LDB3: variants seen among roughly 807,000 people sequenced by gnomAD.
The protein encoded by LDB3 is LIM domain-binding protein 3.
A neutral mutation model predicts 69.0 loss-of-function variants in LDB3; 49 were observed. That is an observed-to-expected ratio of 0.71 (90% CI 0.56 to 0.90). The LOEUF is 0.90. Ranked by LOEUF, LDB3 falls within the 40% of genes least tolerant of loss-of-function variation. The probability of loss-of-function intolerance (pLI) is 0.00; values close to 1 mark genes in which losing one functional copy is unlikely to be tolerated. For synonymous variants in LDB3, 387 were observed against 396.2 expected (o/e 0.98, Z 0.28); for missense variants, 928 against 974.1 (o/e 0.95, Z 0.63).
intron 2 of LDB3, among the ~76,000 whole-genome samples, chr10:86,674,373 C>T (rs1406409922): frequency 2.0e-5 from 3 of 152,194 alleles, no homozygotes; most frequent in African/African-American, 4.8e-5. Context: ...GCTGCCTCCC[C>T]GCCCCCAGCC....
rs1437055393 is a variant in LDB3 at position 86,699,139 on chromosome 10, C to T, written c.896+6568C>T. The T allele has an allele frequency of 9.7e-7, 1 of 1,036,226 alleles. No homozygotes were observed. The highest frequency in any genetic ancestry group is 1.5e-6 in the Non-Finnish European group (1 of 672,852). The allele number at this position is 1,036,226 out of a possible 1,614,324, so 64.2% of individuals were successfully genotyped here. On this transcript the variant is annotated intron_variant, in intron 7 of 13. Coordinates refer to ENST00000361373, the MANE Select transcript of LDB3 (RefSeq NM_007078.3). The surrounding 1 kb of genome is among the most constrained non-coding windows in gnomAD (Gnocchi z 4.9). The stretch of plus-strand genomic sequence containing the variant: ...TTCTCCAAGCCCGTTCCCTCCCTCC[C>T]ATGCCCTCTGCCCCACCTGTTAGAC...
rs889516920 is a variant in LDB3 at position 86,720,052 on chromosome 10, A to G, written c.1978+1205A>G. 6.2e-4 allele frequency among the ~76,000 whole-genome samples: 94 copies of G among 152,270 alleles called. 1 individual carries two copies. The highest frequency in any genetic ancestry group is 2.1e-3 in the African/African-American group (88 of 41,476). Reference sequence around the variant, plus strand: ...TGAGGGCAAAAAGAGAAACACAGTAAGTTAGTTTACTTTAAAATCAGAAAG... The same window carrying G: ...TGAGGGCAAAAAGAGAAACACAGTAGGTTAGTTTACTTTAAAATCAGAAAG... On this transcript the variant is annotated intron_variant, in intron 12 of 13. Transcript: ENST00000361373.
At chr10:86,676,537 C>T (rs1371638587) in intron 2 of LDB3, among the ~76,000 whole-genome samples, 1 of 138,900 alleles carries the variant, frequency 7.2e-6, no homozygotes. Context: ...TGCACTCCAG[C>T]CTGGGCATCA....
intron 5 of LDB3, chr10:86,687,344 C>A: frequency 6.9e-7 from 1 of 1,442,186 alleles, no homozygotes. Flanking sequence ...TGGGCACCAT[C>A]GGGACCAGCT....
intron 5 of LDB3, chr10:86,685,802 A>C: frequency 2.3e-6 from 3 of 1,319,350 alleles, no homozygotes; most frequent in South Asian, 2.4e-5. Flanking sequence ...GCATGTGTAC[A>C]TGTATGTGCA....
chr10:86,666,857 T>C, upstream of LDB3: 1 of 470,234 alleles, frequency 2.1e-6, no homozygotes. Flanking sequence ...AGGTACAGCC[T>C]CCCCCAGCTC....
At chr10:86,725,334 CACAAA>C (rs770489250) in intron 12 of LDB3, among the ~76,000 whole-genome samples, 1 of 152,164 alleles carries the variant, frequency 6.6e-6, no homozygotes, top group Non-Finnish European at 1.5e-5. Flanking sequence ...TTTTCTCATC[CACAAA>C]ACAAAACAAA....
intron 2 of LDB3, among the ~76,000 whole-genome samples, chr10:86,677,960 C>G (rs745562490): frequency 6.6e-6 from 1 of 152,204 alleles, no homozygotes; most frequent in Non-Finnish European, 1.5e-5. Flanking sequence ...CTCCTGGAGT[C>G]TGAAAAGTGC....
chr10:86,728,844 T>C (rs950810557), intron 13 of LDB3, among the ~76,000 whole-genome samples: 16 of 152,066 alleles, frequency 1.1e-4, no homozygotes, highest in Non-Finnish European at 1.9e-4. Flanking sequence ...CCTCCCAAAG[T>C]GCTGGGATTA....
chr10:86,705,069 C>T (rs1164279911), intron 7 of LDB3, among the ~76,000 whole-genome samples: 1 of 152,152 alleles, frequency 6.6e-6, no homozygotes, highest in African/African-American at 2.4e-5. Context: ...TATTGTTATT[C>T]TAATTATTTC....
At chr10:86,700,096 G>A (rs1846195928) in intron 7 of LDB3, 2 of 978,370 alleles carry the variant, frequency 2.0e-6, no homozygotes, top group Middle Eastern at 5.3e-4. Flanking sequence ...ACCCAAGAGG[G>A]GCTGTGAGGG....
rs1403236288 is a variant in LDB3 at position 86,733,349 on chromosome 10, T to C, written c.*373T>C. On this transcript the variant is annotated 3_prime_UTR_variant, in exon 14 of 14. Coordinates refer to ENST00000361373, the MANE Select transcript of LDB3 (RefSeq NM_007078.3). ...GAGCAGCTGTGGAGAATCTGAAGCATTCTGCGGAGTTCTTAAGCGCTCCCC... is the reference window on the plus strand; with the variant it reads ...GAGCAGCTGTGGAGAATCTGAAGCACTCTGCGGAGTTCTTAAGCGCTCCCC... 2 of 293,258 alleles carry C rather than the reference T, an allele frequency of 6.8e-6. No homozygotes were observed. Among genetic ancestry groups the C allele is most frequent in the Non-Finnish European group, 1.3e-5 (2 of 151,750 alleles). The allele number at this position is 293,258 out of a possible 1,614,324, so 18.2% of individuals were successfully genotyped here. A position where few individuals can be genotyped will look rare whatever the true frequency, so the allele number is the denominator to read the frequency against.
chr10:86,681,789 C>A lies in LDB3; in HGVS notation c.675C>A (p.Val225=). 1.3e-6 allele frequency: 2 copies of A among 1,596,022 alleles called. No homozygotes were observed. The highest frequency in any genetic ancestry group is 2.3e-5 in the South Asian group (2 of 87,952). The change falls in exon 5 of 14, where the codon GTC becomes GTA. Residue 225 remains valine (V), a synonymous_variant. Transcript: ENST00000361373. ...GCCTCCGAGGGAAGGCCTCGGGTGT[C>A]GGACTCCCAGGAGGGTAGGTAACGG... ...QMSLRGKASG[V]GLPGGSLPIK... is the part of the protein sequence containing the mutation.
chr10:86,699,186 C>T lies in LDB3; in HGVS notation c.896+6615C>T. 1 of 1,498,464 alleles carries T rather than the reference C, an allele frequency of 6.7e-7. No individual in the cohort carries two copies. The highest frequency in any genetic ancestry group is 9.3e-7 in the Non-Finnish European group (1 of 1,080,376). The allele number at this position is 1,498,464 out of a possible 1,614,324, so 92.8% of individuals were successfully genotyped here. On this transcript the variant is annotated intron_variant, in intron 7 of 13. Transcript: ENST00000361373. This position sits in a 1 kb window ranked among gnomAD's most constrained non-coding sequence, Gnocchi z 4.9. Reference sequence around the variant, plus strand: ...AGACAGGGGAATGGTGAACACATTCCCTAACCCCTTTCATTCTCCCTCTCT... The same window carrying T: ...AGACAGGGGAATGGTGAACACATTCTCTAACCCCTTTCATTCTCCCTCTCT...
At chr10:86,729,437 A>G (rs1847382190) in intron 13 of LDB3, among the ~76,000 whole-genome samples, 1 of 152,144 alleles carries the variant, frequency 6.6e-6, no homozygotes, top group African/African-American at 2.4e-5. Context: ...GCCCTTCCCC[A>G]CTGGTGTGGG....
rs767946273 is a variant in LDB3 at position 86,706,631 on chromosome 10, T to A, written c.997T>A (p.Ser333Thr). ...TGCTGCTGCCTCTCCCAGTGCGGCTTCGCCACCCCTGGCCACAGCTGCTGC... is the reference window on the plus strand; with the variant it reads ...TGCTGCTGCCTCTCCCAGTGCGGCTACGCCACCCCTGGCCACAGCTGCTGC... Reference protein sequence around the residue: ...PPAAASPSAASPPLATAAAHT... With the variant: ...PPAAASPSAATPPLATAAAHT... Residue 333 changes from serine to threonine, a missense_variant, in exon 8 of 14, where the codon TCG (serine) becomes ACG (threonine). Physicochemically the swap from Ser to Thr is moderately conservative, Grantham distance 58. Transcript: ENST00000361373. 3.7e-6 allele frequency: 6 copies of A among 1,613,118 alleles called. No homozygotes were observed. The highest frequency in any genetic ancestry group is 4.2e-6 in the Non-Finnish European group (5 of 1,179,942).
At chr10:86,728,311 C>G (rs1343848120) in intron 13 of LDB3, among the ~76,000 whole-genome samples, 1 of 152,128 alleles carries the variant, frequency 6.6e-6, no homozygotes, top group Non-Finnish European at 1.5e-5. Flanking sequence ...GGAATCGTGG[C>G]AAAGGTGAGT....
At chr10:86,731,180 C>T (rs1236846107) in intron 13 of LDB3, among the ~76,000 whole-genome samples, 1 of 148,090 alleles carries the variant, frequency 6.8e-6, no homozygotes, top group African/African-American at 2.5e-5. Flanking sequence ...AATTTCATCT[C>T]TTTTGTTTTT....
rs1847566469 is a variant in LDB3, at chr10:86,734,544, T to G, written c.*1568T>G. ...GTTTTGGATTTTTCTCTTTGCATGTTTGAAATGTTTTATGGGAATGTATTA... is the reference window on the plus strand; with the variant it reads ...GTTTTGGATTTTTCTCTTTGCATGTGTGAAATGTTTTATGGGAATGTATTA... On this transcript the variant is annotated 3_prime_UTR_variant, in exon 14 of 14. Transcript: ENST00000361373. 6.6e-6 allele frequency: 1 copy of G among 152,216 alleles called. No individual in the cohort carries two copies. 9.4% of individuals were successfully genotyped at this position (152,216 alleles called of 1,614,324 possible).
Sources: allele counts gnomAD v4.1 joint callset (sites outside exome capture counted in the v4.1 genomes callset), GRCh38; gene constraint gnomAD v4.1.1; non-coding constraint Gnocchi (gnomAD v3.1); transcripts MANE v1.5; gene names NCBI Gene and HGNC (gene_info 2026-07-23, HGNC 2026-07-21).